Variants in DPH6 observed in about 807,000 individuals in gnomAD.
DPH6 encodes the protein diphthamine biosynthesis 6, also known as diphthine--ammonia ligase.
Under a neutral mutation model 38.2 loss-of-function variants are expected in DPH6, and 33 were observed. That is an observed-to-expected ratio of 0.86 (90% CI 0.65 to 1.15). The LOEUF (loss-of-function observed/expected upper bound fraction) is 1.15, where lower values mean the gene tolerates loss of function less well. Ranked by LOEUF, DPH6 falls within the 50% of genes most tolerant of loss-of-function variation. The pLI is 0.00. For synonymous variants in DPH6, 108 were observed against 103.0 expected (o/e 1.05, Z -0.30); for missense variants, 325 against 320.0 (o/e 1.02, Z -0.12).
At chr15:35,231,604 C>G (rs944491821) in intron 3 of DPH6, among the ~76,000 whole-genome samples, 7 of 152,238 alleles carry the variant, frequency 4.6e-5, no homozygotes, top group Non-Finnish European at 7.3e-5. Context: ...CCACCCATCT[C>G]TGTAATCACA....
intron 3 of DPH6, among the ~76,000 whole-genome samples, chr15:35,352,586 C>T (rs868400052): frequency 3.9e-5 from 6 of 152,164 alleles, no homozygotes; most frequent in South Asian, 2.1e-4. Flanking sequence ...CAGCTTCATC[C>T]GTGTCCCTAC....
At chr15:35,170,268 G>C in the DPH6 span, among the ~76,000 whole-genome samples, 4 of 152,202 alleles carry the variant, frequency 2.6e-5, no homozygotes, top group African/African-American at 9.7e-5. Flanking sequence ...TGACTTCCAT[G>C]ATGAGAATGA....
chr15:35,454,775 C>G lies in DPH6; in HGVS notation c.358G>C (p.Asp120His). The G allele has an allele frequency of 6.2e-7, 1 of 1,609,036 alleles. No homozygotes were observed. Among genetic ancestry groups the G allele is most frequent in the South Asian group, 1.1e-5 (1 of 89,524 alleles). The change falls in exon 4 of 9, where the codon GAC (aspartate) becomes CAC (histidine). Residue 120 changes from aspartate (D) to histidine (H), a missense_variant. Asp to His is a moderately conservative substitution (Grantham distance 81). Transcript: ENST00000256538. Reference protein sequence around the residue: ...EGISVGAILSDYQRIRVENVC... With the variant: ...EGISVGAILSHYQRIRVENVC... ...TTTTCCACTCGAATACGCTGATAGT[C>G]AGAAAGTATAGCACCTACTGATATC...
At chr15:35,469,060 A>G (rs1336528238) in intron 3 of DPH6, among the ~76,000 whole-genome samples, 1 of 131,108 alleles carries the variant, frequency 7.6e-6, no homozygotes, top group African/African-American at 2.9e-5. Context: ...ACAAGAGCAA[A>G]ACTCTGCTTC....
intron 3 of DPH6, among the ~76,000 whole-genome samples, chr15:35,457,032 GT>G (rs760702158): frequency 6.6e-6 from 1 of 151,540 alleles, no homozygotes; most frequent in South Asian, 2.1e-4. Context: ...GTGCAGTGGG[GT>G]GATCTCAGCT....
In DPH6 at chr15:35,346,018, A is replaced by G. The variant is rs570085009; in HGVS notation, n.208-14941T>C. ...AGTAACTTCACAGAGTGTAGGCTAT[A>G]ATCAGTAAATAGTAAGTGAAACGAA... On this transcript the variant is annotated intron_variant and non_coding_transcript_variant, in intron 3 of 3. Coordinates refer to the DPH6 transcript ENST00000558973. Among the ~76,000 whole-genome samples the G allele has an allele frequency of 5.3e-5, 8 of 152,146 alleles. No homozygotes were observed. In the South Asian group the frequency reaches 1.5e-3, roughly 28 times the overall value.
Position 35,283,756 on chromosome 15 carries a change from G to GCACACACACACACACACACACA in DPH6, n.201-63175_201-63174insTGTGTGTGTGTGTGTGTGTGTG, listed in dbSNP as rs757887783. Among the ~76,000 whole-genome samples the GCACACACACACACACACACACA allele has an allele frequency of 9.9e-4, 122 of 123,650 alleles. 1 individual carries two copies. The highest frequency in any genetic ancestry group is 3.2e-3 in the Admixed American group (40 of 12,360). The allele number at this position is 123,650 out of a possible 152,430, so 81.1% of individuals were successfully genotyped here. A position where few individuals can be genotyped will look rare whatever the true frequency, so the allele number is the denominator to read the frequency against. On this transcript the variant is annotated intron_variant and non_coding_transcript_variant, in intron 3 of 3. Transcript: ENST00000560386. The stretch of plus-strand genomic sequence containing the variant: ...TTACTTTTTTCATTGGGCACAGATA[G>GCACACACACACACACACACACA]TACACACACACACACACACACACAC...
intron 3 of DPH6, among the ~76,000 whole-genome samples, chr15:35,356,370 A>G (rs2052560212): frequency 6.6e-6 from 1 of 152,096 alleles, no homozygotes; most frequent in African/African-American, 2.4e-5. Context: ...TGATTTTTAG[A>G]GTTTCCAGTT....
the DPH6 span, among the ~76,000 whole-genome samples, chr15:35,177,578 T>A: frequency 1.7e-5 from 1 of 59,550 alleles, no homozygotes; most frequent in Admixed American, 2.3e-4. Flanking sequence ...AGATCCCATC[T>A]CCAAAAAAAA....
At chr15:35,167,178 G>A in the DPH6 span, among the ~76,000 whole-genome samples, 1 of 152,136 alleles carries the variant, frequency 6.6e-6, no homozygotes, top group African/African-American at 2.4e-5. Context: ...GTGATAAAGA[G>A]TGAAAACACA....
chr15:35,410,843 G>A lies in DPH6; in HGVS notation c.559C>T (p.Leu187Phe). The A allele has an allele frequency of 6.2e-7, 1 of 1,601,010 alleles. No individual in the cohort carries two copies. Among genetic ancestry groups the A allele is most frequent in the Non-Finnish European group, 8.5e-7 (1 of 1,173,838 alleles). The change falls in exon 6 of 9, where the codon CTC becomes TTC. Residue 187 changes from leucine to phenylalanine, a missense_variant. Physicochemically the swap from Leu to Phe is conservative, Grantham distance 22. Coordinates refer to ENST00000256538, the MANE Select transcript of DPH6 (RefSeq NM_080650.4). ...CTAGTATAAATTCTTACCTCTATGA[G>A]ATAAGGCTCCATTTGATCCAGGGTT... ...GKTLDQMEPY[L>F]IELSKKYGVH...
At chr15:35,381,977 C>G in intron 6 of DPH6, 61 bp from the exon 7 acceptor site, 3 of 1,225,074 alleles carry the variant, frequency 2.4e-6, no homozygotes, top group South Asian at 1.3e-5. Flanking sequence ...CATAAATGCT[C>G]TCTTATCTGG....
the DPH6 span, among the ~76,000 whole-genome samples, chr15:35,156,522 G>A: frequency 1.3e-5 from 2 of 152,074 alleles, no homozygotes; most frequent in Non-Finnish European, 2.9e-5. Flanking sequence ...AGTGGCGGGG[G>A]TAAAGGGGGT....
chr15:35,240,557 T>C (rs1169230858), intron 3 of DPH6, among the ~76,000 whole-genome samples: 2 of 143,628 alleles, frequency 1.4e-5, no homozygotes, highest in African/African-American at 5.1e-5. Context: ...GCTTACAGTT[T>C]CATTCTGTGA....
chr15:35,152,201 C>T, the DPH6 span, among the ~76,000 whole-genome samples: 1 of 152,096 alleles, frequency 6.6e-6, no homozygotes, highest in South Asian at 2.1e-4. Flanking sequence ...TTTTCTTATA[C>T]ATCATTTCAC....
At chr15:35,382,173 C>T (rs1233530742) in intron 6 of DPH6, among the ~76,000 whole-genome samples, 13 of 152,158 alleles carry the variant, frequency 8.5e-5, no homozygotes, top group African/African-American at 2.7e-4. Flanking sequence ...CGTTGGCTCA[C>T]GCCTGTAATC....
chr15:35,337,350 A>T (rs1050247338), intron 3 of DPH6, among the ~76,000 whole-genome samples: 2 of 151,644 alleles, frequency 1.3e-5, no homozygotes, highest in African/African-American at 2.4e-5. Flanking sequence ...TTTCTTTATT[A>T]GTCTTGCTAG....
chr15:35,395,641 A>G (rs2053121790), intron 6 of DPH6, among the ~76,000 whole-genome samples: 1 of 152,090 alleles, frequency 6.6e-6, no homozygotes, highest in African/African-American at 2.4e-5. Context: ...CCCATCCTTC[A>G]AATCAGTTCT....
chr15:35,471,967 G>C (rs1280407458), intron 3 of DPH6, among the ~76,000 whole-genome samples: 1 of 151,796 alleles, frequency 6.6e-6, no homozygotes, highest in African/African-American at 2.4e-5. Context: ...TGTAAAGCAT[G>C]ACCATTTATT....
Sources: gnomAD v4.1 joint callset for allele counts (sites outside exome capture counted in the v4.1 genomes callset) on GRCh38, gnomAD v4.1.1 for gene constraint, MANE v1.5 for transcripts, NCBI Gene and HGNC (gene_info 2026-07-23, HGNC 2026-07-21) for gene names.